RHOBTB2: variants seen among roughly 807,000 people sequenced by gnomAD.
The protein encoded by RHOBTB2 is Rho related BTB domain containing 2.
RHOBTB2 carries 39 observed loss-of-function variants against 66.5 expected under a neutral mutation model. The observed-to-expected ratio is 0.59, with a 90% CI of 0.45 to 0.77. RHOBTB2 has a LOEUF of 0.77. Ranked by LOEUF, RHOBTB2 falls within the 30% of genes least tolerant of loss-of-function variation. The pLI, the probability that RHOBTB2 is intolerant of heterozygous loss-of-function variation, is 0.00. For synonymous variants in RHOBTB2, 390 were observed against 395.0 expected, an observed-to-expected ratio of 0.99 and a Z score of 0.15; for missense variants, 755 against 999.1, an observed-to-expected ratio of 0.76 and a Z score of 3.29.
At chr8:22,992,700 C>T (rs1218991131) in intron 2 of RHOBTB2, among the ~76,000 whole-genome samples, 1 of 152,226 alleles carries the variant, frequency 6.6e-6, no homozygotes, top group African/African-American at 2.4e-5. Context: ...CATGCATTTC[C>T]TTTGCATGCA....
upstream of RHOBTB2, among the ~76,000 whole-genome samples, chr8:22,983,547 T>A (rs1810245873): frequency 6.6e-6 from 1 of 151,362 alleles, no homozygotes; most frequent in East Asian, 1.9e-4. Context: ...TCAGCCAGAG[T>A]AAAGCATGAG....
Position 23,018,190 on chromosome 8 carries a change from C to G in RHOBTB2, c.*721C>G, listed in dbSNP as rs961248070. ...CAACAAGAAACTTCTCCCTCACCCC[C>G]TCCTTTACCCTCAGATTTGGAGATG... On this transcript the variant is annotated 3_prime_UTR_variant, in exon 10 of 10. Transcript: ENST00000251822. 1 of 152,462 alleles carries G rather than the reference C, an allele frequency of 6.6e-6. No homozygotes were observed. The highest frequency in any genetic ancestry group is 2.4e-5 in the African/African-American group (1 of 41,458). 9.4% of individuals were successfully genotyped at this position (152,462 alleles called of 1,614,324 possible). A position where few individuals can be genotyped will look rare whatever the true frequency, so the allele number is the denominator to read the frequency against.
the RHOBTB2 span, among the ~76,000 whole-genome samples, chr8:22,975,614 G>C: frequency 6.6e-6 from 1 of 152,320 alleles, no homozygotes; most frequent in East Asian, 1.9e-4. Context: ...TGTCAAACCT[G>C]ACGGATGGGC....
chr8:22,977,450 T>C, the RHOBTB2 span, among the ~76,000 whole-genome samples: 1 of 151,842 alleles, frequency 6.6e-6, no homozygotes, highest in African/African-American at 2.4e-5. Context: ...TGTGTGCCTG[T>C]AGTTCCAGCT....
At chr8:22,951,617 C>G in the RHOBTB2 span, among the ~76,000 whole-genome samples, 1 of 152,110 alleles carries the variant, frequency 6.6e-6, no homozygotes, top group Non-Finnish European at 1.5e-5. Flanking sequence ...TATAAAGAAC[C>G]TTCTTAACAG....
intron 2 of RHOBTB2, chr8:22,994,495 GCTC>G: frequency 1.0e-6 from 1 of 953,592 alleles, no homozygotes. Flanking sequence ...TTCGCGGTGT[GCTC>G]ATTCCCTTTC....
the RHOBTB2 span, among the ~76,000 whole-genome samples, chr8:22,965,975 A>T: frequency 1.3e-4 from 20 of 152,340 alleles, no homozygotes; most frequent in Admixed American, 9.8e-4. Flanking sequence ...TCAACAGAGT[A>T]AAAAGGCAAC....
At chr8:22,995,611 T>C (rs1810529577), upstream of RHOBTB2, among the ~76,000 whole-genome samples, 2 of 152,248 alleles carry the variant, frequency 1.3e-5, no homozygotes, top group Admixed American at 1.3e-4. Context: ...TGTGGGGACC[T>C]GATGGTGTCC....
At chr8:22,980,455 T>C in the RHOBTB2 span, among the ~76,000 whole-genome samples, 1 of 152,232 alleles carries the variant, frequency 6.6e-6, no homozygotes, top group Admixed American at 6.5e-5. Flanking sequence ...CATTGCCTAT[T>C]TTTACTTGCT....
rs775135544 is a variant in RHOBTB2, at chr8:22,999,678, C to T, written c.-438C>T. On this transcript the variant is annotated 5_prime_UTR_variant, in exon 1 of 10. Coordinates refer to ENST00000251822, the MANE Select transcript of RHOBTB2 (RefSeq NM_015178.3). The stretch of plus-strand genomic sequence containing the variant: ...TGAAAAAAGGAGGTCGCGAGCGGTA[C>T]CTGGGACTGCAGCGCCAGGCGTCTT... 3.3e-6 allele frequency: 4 copies of T among 1,226,230 alleles called. No individual in the cohort carries two copies. Among genetic ancestry groups the T allele is most frequent in the East Asian group, 8.9e-5 (1 of 11,228 alleles). 76.0% of individuals were successfully genotyped at this position (1,226,230 alleles called of 1,614,324 possible). A position where few individuals can be genotyped will look rare whatever the true frequency, so the allele number is the denominator to read the frequency against.
Position 23,015,956 on chromosome 8 carries a change from C to CAG in RHOBTB2, c.1966+216_1966+217dup, listed in dbSNP as rs562604029. Among the ~76,000 whole-genome samples, 10 of 152,356 alleles carry CAG rather than the reference C, an allele frequency of 6.6e-5. No individual in the cohort carries two copies. In the East Asian group the frequency reaches 1.9e-3, roughly 29 times the overall value. The stretch of plus-strand genomic sequence containing the variant: ...CCTGCCTCTCTGGGCTTCTCATTCT[C>CAG]AGAGGTATGAAGAGGATACTGGACT... On this transcript the variant is annotated intron_variant, in intron 9 of 9. Coordinates refer to ENST00000251822, the MANE Select transcript of RHOBTB2 (RefSeq NM_015178.3).
At chr8:22,962,339 T>C in the RHOBTB2 span, among the ~76,000 whole-genome samples, 1 of 151,534 alleles carries the variant, frequency 6.6e-6, no homozygotes, top group East Asian at 1.9e-4. Context: ...TTATTTCAAA[T>C]ATGGGATATT....
chr8:23,012,420 A>G (rs1811173374), intron 7 of RHOBTB2, among the ~76,000 whole-genome samples: 1 of 152,234 alleles, frequency 6.6e-6, no homozygotes, highest in African/African-American at 2.4e-5. Context: ...CACACTAGGG[A>G]ACATCCACAA....
chr8:22,986,265 C>CTTTTT (rs33995780), upstream of RHOBTB2, among the ~76,000 whole-genome samples: 4 of 84,968 alleles, frequency 4.7e-5, no homozygotes, highest in African/African-American at 4.6e-5. Context: ...CAGTGCATTG[C>CTTTTT]TTTTTTTTTT....
upstream of RHOBTB2, among the ~76,000 whole-genome samples, chr8:22,984,139 A>G (rs1227516048): frequency 6.6e-6 from 1 of 152,232 alleles, no homozygotes; most frequent in Non-Finnish European, 1.5e-5. Context: ...AAAAAACAGT[A>G]CAAAAAGCTG....
At chr8:22,994,741 G>A (rs1810501827), upstream of RHOBTB2, 2 of 834,918 alleles carry the variant, frequency 2.4e-6, no homozygotes, top group South Asian at 3.0e-5. Flanking sequence ...GCACTAGACT[G>A]CAAGCACTAG....
intron 7 of RHOBTB2, among the ~76,000 whole-genome samples, chr8:23,012,721 C>A (rs560426700): frequency 6.6e-6 from 1 of 152,140 alleles, no homozygotes; most frequent in East Asian, 1.9e-4. Context: ...TGGGCTCAAG[C>A]GATCCTCCCA....
At chr8:22,987,407 CA>C (rs1810308597), upstream of RHOBTB2, 1 of 152,538 alleles carries the variant, frequency 6.6e-6, no homozygotes, top group Non-Finnish European at 1.5e-5. Flanking sequence ...CCCCTGGTCA[CA>C]GGAATCATGT....
intron 7 of RHOBTB2, among the ~76,000 whole-genome samples, chr8:23,013,999 G>A (rs1340973848): frequency 1.3e-5 from 2 of 152,208 alleles, no homozygotes; most frequent in African/African-American, 2.4e-5. Flanking sequence ...CCTGGAATCA[G>A]CCATTTCTCC....
Sources: gnomAD v4.1 joint callset for allele counts (sites outside exome capture counted in the v4.1 genomes callset) on GRCh38, gnomAD v4.1.1 for gene constraint, MANE v1.5 for transcripts, NCBI Gene and HGNC (gene_info 2026-07-23, HGNC 2026-07-21) for gene names.